The following PGBD5 variants were observed in gnomAD, a reference collection of about 807,000 sequenced individuals.
PGBD5 encodes the protein piggyBac transposable element-derived protein 5.
In PGBD5, 14 loss-of-function variants were observed where a neutral mutation model predicts 47.9. The ratio of observed to expected loss-of-function variants is 0.29; its 90% CI spans 0.19 to 0.46. The LOEUF is 0.46. Ranked by LOEUF, PGBD5 falls within the 20% of genes least tolerant of loss-of-function variation. PGBD5 has a pLI of 1.00. For missense variants in PGBD5, 635 were observed against 716.0 expected (o/e 0.89, Z 1.29); for synonymous variants, 316 against 306.3 (o/e 1.03, Z -0.33).
chr1:230,325,904 CGTCACCCCACACAGGGTGACTGCAGA>C (rs1044276521), intron 5 of PGBD5, among the ~76,000 whole-genome samples: 9 of 151,942 alleles, frequency 5.9e-5, no homozygotes, highest in African/African-American at 9.7e-5. Flanking sequence ...GTCGGCAACT[CGTCACCCCACACAGGGTGACTGCAGA>C]GTCACCCCGC....
intron 3 of PGBD5, among the ~76,000 whole-genome samples, chr1:230,342,331 T>G (rs570830342): frequency 6.6e-6 from 1 of 152,192 alleles, no homozygotes; most frequent in South Asian, 2.1e-4. Context: ...CAGAAGAGAA[T>G]CAATTTTCTC....
Position 230,357,929 on chromosome 1 carries a change from T to A in PGBD5, c.332-608A>T, listed in dbSNP as rs1306432776. On this transcript the variant is annotated intron_variant, in intron 1 of 6. Coordinates refer to ENST00000391860, the MANE Select transcript of PGBD5 (RefSeq NM_001258311.2). This position sits in a 1 kb window ranked among gnomAD's most constrained non-coding sequence, Gnocchi z 5.7. Reference sequence around the variant, plus strand: ...CTCCGTACAAGGAAGAAAGCATGCATATACATACATATATATACACATGCA... The same window carrying A: ...CTCCGTACAAGGAAGAAAGCATGCAAATACATACATATATATACACATGCA... Among the ~76,000 whole-genome samples the A allele has an allele frequency of 6.6e-6, 1 of 152,098 alleles. No homozygotes were observed. Among genetic ancestry groups the A allele is most frequent in the East Asian group, 1.9e-4 (1 of 5,192 alleles).
At chr1:230,377,520 C>T (rs755240459) in intron 1 of PGBD5, 3 of 1,612,860 alleles carry the variant, frequency 1.9e-6, no homozygotes, top group Middle Eastern at 1.7e-4. Flanking sequence ...CGCTTGGCTG[C>T]AGATCCCGGC....
intron 1 of PGBD5, among the ~76,000 whole-genome samples, chr1:230,380,344 G>C (rs965902052): frequency 6.6e-6 from 1 of 152,234 alleles, no homozygotes; most frequent in Admixed American, 6.5e-5. Context: ...TCAGATGCCA[G>C]ACCAGTGTCA....
At chr1:230,362,408 G>A (rs536625811) in intron 1 of PGBD5, 20 of 1,346,610 alleles carry the variant, frequency 1.5e-5, no homozygotes, top group Admixed American at 7.8e-5. Flanking sequence ...GAGGCTTGCC[G>A]GGGAAGCCTG....
rs1360230340 is a variant in PGBD5, at chr1:230,377,820, C to T, written c.332-20499G>A. ...AAGCACTGGCCATCATTATGAATGC[C>T]GTCTGATGCAATGCTAGCATTTTGG... On this transcript the variant is annotated intron_variant, in intron 1 of 6. Coordinates refer to ENST00000391860, the MANE Select transcript of PGBD5 (RefSeq NM_001258311.2). Among the ~76,000 whole-genome samples, 4 of 152,220 alleles carry T rather than the reference C, an allele frequency of 2.6e-5. No homozygotes were observed. In the East Asian group the frequency reaches 5.8e-4, roughly 22 times the overall value.
At chr1:230,364,319 T>C (rs934556134) in intron 1 of PGBD5, among the ~76,000 whole-genome samples, 1 of 152,266 alleles carries the variant, frequency 6.6e-6, no homozygotes, top group Admixed American at 6.5e-5. Flanking sequence ...AGGCTTCCCC[T>C]TTCTGCATAG....
chr1:230,346,220 T>C (rs1667471131), intron 3 of PGBD5, among the ~76,000 whole-genome samples: 2 of 152,120 alleles, frequency 1.3e-5, no homozygotes, highest in African/African-American at 2.4e-5. Flanking sequence ...TTCATATTTT[T>C]TGTGGAGACA....
intron 1 of PGBD5, among the ~76,000 whole-genome samples, chr1:230,380,493 C>T (rs1656431923): frequency 6.6e-6 from 1 of 152,188 alleles, no homozygotes; most frequent in Non-Finnish European, 1.5e-5. Context: ...CCCACCACTA[C>T]CGTCTTGGGC....
chr1:230,371,509 C>A (rs1667928578), intron 1 of PGBD5, among the ~76,000 whole-genome samples: 1 of 152,228 alleles, frequency 6.6e-6, no homozygotes, highest in South Asian at 2.1e-4. Flanking sequence ...CTCCTGGACA[C>A]AAGCATTTCA....
chr1:230,325,275 G>C (rs771845069), intron 6 of PGBD5, 35 bp downstream of exon 6: 5 of 1,454,254 alleles, frequency 3.4e-6, no homozygotes, highest in Middle Eastern at 1.8e-4. Context: ...ACAACTATGA[G>C]AGCCCTTCTG....
intron 1 of PGBD5, among the ~76,000 whole-genome samples, chr1:230,415,673 G>A (rs897202867): frequency 6.6e-6 from 1 of 152,182 alleles, no homozygotes. Flanking sequence ...GTCTGCTTAC[G>A]TTGCACTGTT....
chr1:230,335,702 TACATACACAGGTACACATAC>T (rs1667303167), intron 4 of PGBD5, among the ~76,000 whole-genome samples: 1 of 258 alleles, frequency 3.9e-3, no homozygotes, highest in African/African-American at 7.7e-3. Context: ...CACATACACA[TACATACACAGGTACACATAC>T]AGACACACAC....
At chr1:230,418,901 C>T (rs1315481566) in intron 1 of PGBD5, among the ~76,000 whole-genome samples, 1 of 152,212 alleles carries the variant, frequency 6.6e-6, no homozygotes, top group African/African-American at 2.4e-5. Context: ...TGTGCTATGA[C>T]ACACATAAGC....
chr1:230,356,139 A>G (rs540370257), intron 2 of PGBD5, among the ~76,000 whole-genome samples: 1 of 152,316 alleles, frequency 6.6e-6, no homozygotes, highest in South Asian at 2.1e-4. Flanking sequence ...TGGGGCTCAC[A>G]TGGACCAAGA....
intron 1 of PGBD5, among the ~76,000 whole-genome samples, chr1:230,372,071 T>C (rs997145012): frequency 6.6e-6 from 1 of 152,196 alleles, no homozygotes; most frequent in Non-Finnish European, 1.5e-5. Flanking sequence ...GTGCAAGTGA[T>C]AGCAAGCAGG....
intron 4 of PGBD5, among the ~76,000 whole-genome samples, chr1:230,335,730 C>T (rs1482765066): frequency 0.01 from 1 of 100 alleles, no homozygotes; most frequent in African/African-American, 0.022. Flanking sequence ...TACAGACACA[C>T]ACAGACTTAC....
At position 230,359,720 on chromosome 1, in the gene PGBD5, A is replaced by C. The variant is rs1667713821; in HGVS notation, c.332-2399T>G. The stretch of plus-strand genomic sequence containing the variant: ...TGCACCTCACCTGGTGCCTGGCCCT[A>C]AGGGAGGTTCCTGAGGCTTGGTAAC... On this transcript the variant is annotated intron_variant, in intron 1 of 6. Transcript: ENST00000391860. 2.0e-5 allele frequency among the ~76,000 whole-genome samples: 3 copies of C among 152,334 alleles called. No individual in the cohort carries two copies. In the South Asian group the frequency reaches 6.2e-4, roughly 32 times the overall value.
chr1:230,424,038 A>G (rs899180772), intron 1 of PGBD5, among the ~76,000 whole-genome samples: 4 of 152,232 alleles, frequency 2.6e-5, no homozygotes, highest in Non-Finnish European at 4.4e-5. Flanking sequence ...ATTCTTTTTC[A>G]TAACTAGGCT....
Sources: allele counts gnomAD v4.1 joint callset (sites outside exome capture counted in the v4.1 genomes callset), GRCh38; gene constraint gnomAD v4.1.1; non-coding constraint Gnocchi (gnomAD v3.1); transcripts MANE v1.5; gene names NCBI Gene and HGNC (gene_info 2026-07-23, HGNC 2026-07-21).